PAK5: variants seen among roughly 807,000 people sequenced by gnomAD.
The protein encoded by PAK5 is serine/threonine-protein kinase PAK 5.
In PAK5, 16 loss-of-function variants were observed where a neutral mutation model predicts 65.9. The ratio of observed to expected loss-of-function variants is 0.24; its 90% CI spans 0.16 to 0.37. The LOEUF (loss-of-function observed/expected upper bound fraction) is 0.37. PAK5 is among the 10% of genes least tolerant of loss of function. The pLI, the probability that PAK5 is intolerant of heterozygous loss-of-function variation, is 1.00. For synonymous variants in PAK5, 371 were observed against 354.9 expected (o/e 1.05, Z -0.51); for missense variants, 785 against 903.9 (o/e 0.87, Z 1.69).
intron 1 of PAK5, among the ~76,000 whole-genome samples, chr20:9,720,267 A>T (rs2048198809): frequency 6.6e-6 from 1 of 151,944 alleles, no homozygotes; most frequent in South Asian, 2.1e-4. Context: ...AAAAAAAGTT[A>T]TTTTTATTTT....
At chr20:9,819,784 T>C (rs968761098) in intron 1 of PAK5, among the ~76,000 whole-genome samples, 4 of 152,186 alleles carry the variant, frequency 2.6e-5, no homozygotes, top group African/African-American at 9.6e-5. Context: ...GAACCGGTAC[T>C]GGCACATGAC....
At chr20:9,757,314 AAGCTGAAGTGTAGTGAT>A (rs1290325400) in intron 1 of PAK5, among the ~76,000 whole-genome samples, 5 of 152,214 alleles carry the variant, frequency 3.3e-5, no homozygotes, top group Non-Finnish European at 5.9e-5. Context: ...CAACTTCTTA[AAGCTGAAGTGTAGTGAT>A]AGCCTTATGA....
chr20:9,539,707 CT>C (rs2079023052), intron 9 of PAK5, 90 bp from the exon 10 acceptor site: 1 of 1,027,118 alleles, frequency 9.7e-7, no homozygotes, highest in African/African-American at 1.6e-5. Flanking sequence ...CTATCAACAA[CT>C]TCAAATTCCA....
intron 1 of PAK5, among the ~76,000 whole-genome samples, chr20:9,782,703 T>C (rs2048953388): frequency 6.6e-6 from 1 of 152,140 alleles, no homozygotes; most frequent in African/African-American, 2.4e-5. Context: ...GCATTGTAGA[T>C]ACAGTAATAG....
At chr20:9,797,316 A>G (rs1042451607) in intron 1 of PAK5, among the ~76,000 whole-genome samples, 3 of 152,034 alleles carry the variant, frequency 2.0e-5, no homozygotes, top group African/African-American at 7.2e-5. Flanking sequence ...GTAGAATGCC[A>G]TAAAAAATGA....
chr20:9,764,940 T>C (rs1273606465), intron 1 of PAK5, among the ~76,000 whole-genome samples: 2 of 152,186 alleles, frequency 1.3e-5, no homozygotes, highest in Non-Finnish European at 2.9e-5. Context: ...GATTTACCAA[T>C]TGTCCTTGCA....
chr20:9,580,005 A>G, intron 4 of PAK5, 140 bp downstream of exon 4: 3 of 651,760 alleles, frequency 4.6e-6, no homozygotes, highest in Non-Finnish European at 7.8e-6. Context: ...TCACAAGTGG[A>G]GATAGGGTGG....
At chr20:9,609,387 T>C (rs961272874) in intron 3 of PAK5, among the ~76,000 whole-genome samples, 3 of 152,176 alleles carry the variant, frequency 2.0e-5, no homozygotes, top group African/African-American at 7.2e-5. Context: ...AGTATCACAG[T>C]TTAACCTCGC....
intron 1 of PAK5, among the ~76,000 whole-genome samples, chr20:9,825,010 C>T (rs559235665): frequency 6.6e-6 from 1 of 152,124 alleles, no homozygotes; most frequent in Non-Finnish European, 1.5e-5. Context: ...CTAGTCTTTA[C>T]AGGAGAAAGC....
At chr20:9,686,100 A>G (rs1443543064) in intron 2 of PAK5, among the ~76,000 whole-genome samples, 1 of 152,224 alleles carries the variant, frequency 6.6e-6, no homozygotes, top group East Asian at 1.9e-4. Flanking sequence ...GGCTTTCTAA[A>G]TTCTTCAGTA....
chr20:9,795,257 A>G (rs2049092550), intron 1 of PAK5, among the ~76,000 whole-genome samples: 1 of 152,126 alleles, frequency 6.6e-6, no homozygotes, highest in Admixed American at 6.6e-5. Flanking sequence ...TGTGCTACAC[A>G]TATTTTAATA....
At chr20:9,683,293 G>A (rs955635806) in intron 2 of PAK5, among the ~76,000 whole-genome samples, 7 of 152,166 alleles carry the variant, frequency 4.6e-5, no homozygotes, top group African/African-American at 1.2e-4. Context: ...AGTGAGACTC[G>A]GTTAGCTGTC....
chr20:9,746,594 A>T (rs1340345149), intron 1 of PAK5, among the ~76,000 whole-genome samples: 1 of 152,114 alleles, frequency 6.6e-6, no homozygotes, highest in Non-Finnish European at 1.5e-5. Context: ...AATGTTCCAT[A>T]AAAAAAGATA....
intron 1 of PAK5, among the ~76,000 whole-genome samples, chr20:9,770,661 G>A (rs1175349486): frequency 1.3e-5 from 2 of 152,154 alleles, no homozygotes; most frequent in Admixed American, 1.3e-4. Flanking sequence ...ATGCAAGACA[G>A]TAATTAGAGT....
At chr20:9,800,725 C>T (rs149267555) in intron 1 of PAK5, among the ~76,000 whole-genome samples, 50 of 152,094 alleles carry the variant, frequency 3.3e-4, no homozygotes, top group Non-Finnish European at 4.9e-4. Flanking sequence ...AGAAGTAAAT[C>T]AAAGTTGCAA....
rs917272416 is a variant in PAK5 at position 9,689,593 on chromosome 20, A to G, written c.-12+21693T>C. Among the ~76,000 whole-genome samples, 3 of 152,190 alleles carry G rather than the reference A, an allele frequency of 2.0e-5. No homozygotes were observed. In the South Asian group the frequency reaches 6.2e-4, roughly 32 times the overall value. On this transcript the variant is annotated intron_variant, in intron 2 of 9. Coordinates refer to ENST00000353224, the MANE Select transcript of PAK5 (RefSeq NM_177990.4). ...TTAATGATTTGGAACTCAGCAATGAAACCGCTGATAAGCAAGGGACATCTG... is the reference window on the plus strand; with the variant it reads ...TTAATGATTTGGAACTCAGCAATGAGACCGCTGATAAGCAAGGGACATCTG...
intron 1 of PAK5, among the ~76,000 whole-genome samples, chr20:9,723,173 A>T (rs944922083): frequency 1.3e-5 from 2 of 152,186 alleles, no homozygotes; most frequent in African/African-American, 4.8e-5. Context: ...AGGAGGGAAA[A>T]ACTGAAAGTG....
At chr20:9,704,351 G>A (rs142553896) in intron 2 of PAK5, among the ~76,000 whole-genome samples, 2 of 152,242 alleles carry the variant, frequency 1.3e-5, no homozygotes, top group East Asian at 3.9e-4. Context: ...GTCAAAAGTA[G>A]CCATCTACTT....
At chr20:9,772,239 A>C (rs1340757085) in intron 1 of PAK5, among the ~76,000 whole-genome samples, 1 of 152,200 alleles carries the variant, frequency 6.6e-6, no homozygotes, top group South Asian at 2.1e-4. Context: ...TATGACCAAG[A>C]GATTAGTGGT....
Sources: gnomAD v4.1 joint callset for allele counts (sites outside exome capture counted in the v4.1 genomes callset) on GRCh38, gnomAD v4.1.1 for gene constraint, MANE v1.5 for transcripts, NCBI Gene and HGNC (gene_info 2026-07-23, HGNC 2026-07-21) for gene names.